Variants in CDH20 observed in about 807,000 individuals in gnomAD.
CDH20 encodes the protein cadherin 20, also known as cadherin-20.
Under a neutral mutation model 74.2 loss-of-function variants are expected in CDH20, and 29 were observed. That is an observed-to-expected ratio of 0.39 (90% CI 0.29 to 0.53). The LOEUF is 0.53. Ranked by LOEUF, CDH20 falls within the 20% of genes least tolerant of loss-of-function variation. The pLI is 0.69. For synonymous variants in CDH20, 469 were observed against 405.4 expected (o/e 1.16, Z -1.88); for missense variants, 988 against 1,048.3 (o/e 0.94, Z 0.79).
At chr18:61,345,825 C>T (rs1910099162) in intron 1 of CDH20, among the ~76,000 whole-genome samples, 1 of 152,140 alleles carries the variant, frequency 6.6e-6, no homozygotes, top group South Asian at 2.1e-4. Context: ...ACGAGCCACC[C>T]AGAATGTAAG....
At position 61,347,559 on chromosome 18, in the gene CDH20, CACACAAAA is replaced by C. The variant is rs201617116; in HGVS notation, c.-153+13754_-153+13761del. On this transcript the variant is annotated intron_variant, in intron 1 of 11. Coordinates refer to ENST00000262717, the MANE Select transcript of CDH20 (RefSeq NM_031891.4). ...ACAAACAAAAAAAAAACCACACACA[CACACAAAA>C]ACACAAAAACACAAAAACACATGCT... Among the ~76,000 whole-genome samples the C allele has an allele frequency of 9.4e-3, 1,416 of 151,426 alleles. 18 individuals are homozygous for C. Among genetic ancestry groups the C allele is most frequent in the African/African-American group, 0.031 (1,293 of 41,186 alleles).
In CDH20 at chr18:61,360,697, G is replaced by A. The variant is rs1054642696; in HGVS notation, c.-153+26870G>A. ...ATAATTTACCTGGTAACTAAGGTAG[G>A]AATAGTCCAGGGAGAAGGAACAGTG... On this transcript the variant is annotated intron_variant, in intron 1 of 11. Coordinates refer to ENST00000262717, the MANE Select transcript of CDH20 (RefSeq NM_031891.4). 5.3e-5 allele frequency among the ~76,000 whole-genome samples: 8 copies of A among 152,178 alleles called. No individual in the cohort carries two copies. In the East Asian group the frequency reaches 1.5e-3, roughly 29 times the overall value.
intron 1 of CDH20, among the ~76,000 whole-genome samples, chr18:61,475,836 A>G (rs1445364196): frequency 1.3e-5 from 2 of 152,238 alleles, no homozygotes; most frequent in Admixed American, 1.3e-4. Context: ...TCTTCTTTAG[A>G]GACACCTGTC....
At chr18:61,525,816 G>A (rs1013641606) in intron 6 of CDH20, among the ~76,000 whole-genome samples, 7 of 151,984 alleles carry the variant, frequency 4.6e-5, no homozygotes, top group African/African-American at 1.7e-4. Context: ...CATTTTTAAT[G>A]TAATTTTTTT....
intron 1 of CDH20, among the ~76,000 whole-genome samples, chr18:61,388,399 A>T (rs763863719): frequency 2.0e-4 from 31 of 152,184 alleles, no homozygotes; most frequent in Non-Finnish European, 3.8e-4. Flanking sequence ...TTAATTTCTC[A>T]GTATGCATTT....
intron 1 of CDH20, among the ~76,000 whole-genome samples, chr18:61,423,019 T>C (rs570181904): frequency 6.6e-6 from 1 of 152,344 alleles, no homozygotes; most frequent in Non-Finnish European, 1.5e-5. Flanking sequence ...ATGATTTAGC[T>C]ACTAAATAAA....
chr18:61,345,371 C>A (rs1270660106), intron 1 of CDH20, among the ~76,000 whole-genome samples: 2 of 152,118 alleles, frequency 1.3e-5, no homozygotes, highest in Non-Finnish European at 2.9e-5. Flanking sequence ...AGGCAGGAGG[C>A]TTTGCTGGGC....
intron 1 of CDH20, among the ~76,000 whole-genome samples, chr18:61,394,772 G>A (rs1038904779): frequency 4.6e-5 from 7 of 151,990 alleles, no homozygotes; most frequent in South Asian, 2.1e-4. Flanking sequence ...TACCAATGTC[G>A]CTGCCAGAGG....
At chr18:61,485,283 T>C (rs1296582869) in intron 1 of CDH20, among the ~76,000 whole-genome samples, 1 of 152,198 alleles carries the variant, frequency 6.6e-6, no homozygotes. Context: ...TATGAGAACA[T>C]TAAATATGTA....
chr18:61,543,378 T>C (rs1271480238), intron 9 of CDH20, among the ~76,000 whole-genome samples: 2 of 152,146 alleles, frequency 1.3e-5, no homozygotes, highest in African/African-American at 4.8e-5. Context: ...TGGGTAGGAA[T>C]AGTCTGTGCT....
chr18:61,388,664 T>C (rs1911676427), intron 1 of CDH20, among the ~76,000 whole-genome samples: 1 of 152,156 alleles, frequency 6.6e-6, no homozygotes, highest in African/African-American at 2.4e-5. Context: ...GGAAAAACAT[T>C]TAGGCAAACA....
intron 8 of CDH20, among the ~76,000 whole-genome samples, chr18:61,538,592 G>GGTT (rs1912897706): frequency 1.9e-5 from 1 of 52,890 alleles, no homozygotes; most frequent in Non-Finnish European, 4.0e-5. Context: ...TTGTTTGTTT[G>GGTT]TTTGTTTTTG....
chr18:61,539,370 C>T (rs1310190014), intron 9 of CDH20, among the ~76,000 whole-genome samples: 6 of 152,144 alleles, frequency 3.9e-5, no homozygotes, highest in Non-Finnish European at 8.8e-5. Flanking sequence ...TTTTTGGAGG[C>T]TGAGGCAGGA....
Position 61,469,355 on chromosome 18 carries a change from G to A in CDH20, c.-152-21047G>A, listed in dbSNP as rs535016011. ...GAGCAAAGCTTAACCCCAGTTGGAT[G>A]AGAATGAATACACACACACACACAC... On this transcript the variant is annotated intron_variant, in intron 1 of 11. Coordinates refer to ENST00000262717, the MANE Select transcript of CDH20 (RefSeq NM_031891.4). Among the ~76,000 whole-genome samples, 10 of 142,960 alleles carry A rather than the reference G, an allele frequency of 7.0e-5. No homozygotes were observed. In the South Asian group the frequency reaches 2.3e-3, roughly 33 times the overall value. The allele number at this position is 142,960 out of a possible 152,430, so 93.8% of individuals were successfully genotyped here. A position where few individuals can be genotyped will look rare whatever the true frequency, so the allele number is the denominator to read the frequency against.
At chr18:61,535,043 C>T (rs866435928) in intron 7 of CDH20, among the ~76,000 whole-genome samples, 6 of 152,012 alleles carry the variant, frequency 3.9e-5, no homozygotes, top group South Asian at 2.1e-4. Context: ...TGGCTGGACA[C>T]GGTGGCTCAC....
intron 1 of CDH20, among the ~76,000 whole-genome samples, chr18:61,406,317 G>A (rs1912328462): frequency 6.6e-6 from 1 of 152,178 alleles, no homozygotes; most frequent in Admixed American, 6.6e-5. Flanking sequence ...GATAAAATGT[G>A]CATCTCCATT....
chr18:61,433,620 C>T (rs1215407774), intron 1 of CDH20, among the ~76,000 whole-genome samples: 1 of 152,148 alleles, frequency 6.6e-6, no homozygotes, highest in Non-Finnish European at 1.5e-5. Context: ...TATGTACATT[C>T]TGGGTCACGG....
chr18:61,436,702 T>C (rs1334572140), intron 1 of CDH20, among the ~76,000 whole-genome samples: 1 of 152,162 alleles, frequency 6.6e-6, no homozygotes, highest in East Asian at 1.9e-4. Context: ...TAGAAACTAT[T>C]TGGGACATGA....
At chr18:61,404,433 C>A (rs66473506) in intron 1 of CDH20, among the ~76,000 whole-genome samples, 1 of 151,940 alleles carries the variant, frequency 6.6e-6, no homozygotes, top group African/African-American at 2.4e-5. Flanking sequence ...AGGAGGAAAA[C>A]CCCTAGGGAA....
Sources: allele counts gnomAD v4.1 joint callset (sites outside exome capture counted in the v4.1 genomes callset), GRCh38; gene constraint gnomAD v4.1.1; transcripts MANE v1.5; gene names NCBI Gene and HGNC (gene_info 2026-07-23, HGNC 2026-07-21).